The following PCDHGA2 variants were observed in gnomAD, a reference collection of about 807,000 sequenced individuals.
PCDHGA2 encodes the protein protocadherin gamma subfamily A, 2, also known as protocadherin gamma-A2.
In PCDHGA2, 40 loss-of-function variants were observed where a neutral mutation model predicts 59.2. That is an observed-to-expected ratio of 0.68 (90% CI 0.52 to 0.88). PCDHGA2 has a LOEUF of 0.88. PCDHGA2 is among the 40% of genes least tolerant of loss of function. PCDHGA2 has a pLI of 0.00. For missense variants in PCDHGA2, 1,226 were observed against 1,204.0 expected (o/e 1.02, Z -0.27); for synonymous variants, 560 against 526.0 (o/e 1.06, Z -0.89).
chr5:141,504,161 T>C (rs931754061), intron 2 of PCDHGA2, among the ~76,000 whole-genome samples: 1 of 152,196 alleles, frequency 6.6e-6, no homozygotes, highest in Non-Finnish European at 1.5e-5. Context: ...AATAATTTCA[T>C]CCTTGGAAAT....
chr5:141,423,753 G>A (rs758300730), intron 1 of PCDHGA2: 1 of 626,096 alleles, frequency 1.6e-6, no homozygotes, highest in Non-Finnish European at 2.0e-6. Context: ...AACTGTTTGG[G>A]GGGGGGGTGG....
chr5:141,481,646 C>T (rs1425216422), intron 1 of PCDHGA2, among the ~76,000 whole-genome samples: 1 of 151,950 alleles, frequency 6.6e-6, no homozygotes, highest in African/African-American at 2.4e-5. Flanking sequence ...GGTGAAACTT[C>T]ATCTCTACTA....
intron 1 of PCDHGA2, among the ~76,000 whole-genome samples, chr5:141,435,444 A>T (rs1471113812): frequency 1.3e-5 from 2 of 152,216 alleles, no homozygotes; most frequent in South Asian, 2.1e-4. Context: ...TTTCATTAAT[A>T]CGATATCTGT....
At chr5:141,374,172 A>G (rs1770228418) in intron 1 of PCDHGA2, 1 of 1,613,330 alleles carries the variant, frequency 6.2e-7, no homozygotes, top group Non-Finnish European at 8.5e-7. Context: ...GCGGCAGCGC[A>G]GATCCGCTAC....
chr5:141,409,928 G>T, intron 1 of PCDHGA2: 4 of 1,613,354 alleles, frequency 2.5e-6, no homozygotes, highest in Non-Finnish European at 2.5e-6. Flanking sequence ...CGCGTTCTTC[G>T]ATATGGTACC....
At chr5:141,398,267 T>G (rs757957397) in intron 1 of PCDHGA2, 2 of 1,435,108 alleles carry the variant, frequency 1.4e-6, no homozygotes, top group East Asian at 2.5e-5. Context: ...GGCTCCGTAG[T>G]GGGGAACCTC....
rs762532316 is a variant in PCDHGA2, at chr5:141,340,613, T to C, written c.1642T>C (p.Leu548=). The C allele has an allele frequency of 3.7e-6, 6 of 1,614,170 alleles. No individual in the cohort carries two copies. In the Admixed American group the frequency reaches 5.0e-5, roughly 13 times the overall value. The change falls in exon 1 of 4, where the codon TTA becomes CTA. Residue 548 remains leucine (L), a synonymous_variant. Transcript: ENST00000394576. ...CCCTCCACTCAGTAGCAATGTATCA[T>C]TAAGCCTGTTCGTGCTGGACCAGAA... ...GNPPLSSNVS[L]SLFVLDQNDN...
intron 1 of PCDHGA2, among the ~76,000 whole-genome samples, chr5:141,445,787 T>C (rs2098477657): frequency 1.3e-5 from 2 of 152,182 alleles, no homozygotes; most frequent in South Asian, 4.1e-4. Context: ...CTAGGGAGGC[T>C]AGAAACAGAA....
intron 1 of PCDHGA2, chr5:141,385,045 C>T (rs769354835): frequency 1.9e-6 from 3 of 1,614,178 alleles, no homozygotes. Flanking sequence ...GGCGCTCAGG[C>T]TGCGGCGCTG....
At position 141,425,978 on chromosome 5, in the gene PCDHGA2, A is replaced by T. The variant is rs182438141; in HGVS notation, c.2425-68829A>T. Among the ~76,000 whole-genome samples the T allele has an allele frequency of 3.9e-3, 592 of 152,340 alleles. 5 individuals carry two copies. Among genetic ancestry groups the T allele is most frequent in the African/African-American group, 0.014 (563 of 41,588 alleles). ...AGTCCAACACATCAGTCTAATTCTG[A>T]ATCCCATTGAATTAGCAAAGGCTTC... On this transcript the variant is annotated intron_variant, in intron 1 of 3. Coordinates refer to ENST00000394576, the MANE Select transcript of PCDHGA2 (RefSeq NM_018915.4).
chr5:141,368,284 GA>G lies in PCDHGA2; in HGVS notation c.2424+26890del, dbSNP rs536595269. ...CACATTAAAGAACCTAAGACCACTT[GA>G]TTTTTATTTTTTAAACACTGTTAAA... On this transcript the variant is annotated intron_variant, in intron 1 of 3. Transcript: ENST00000394576. Among the ~76,000 whole-genome samples the G allele has an allele frequency of 3.5e-4, 53 of 152,086 alleles. No homozygotes were observed. The East Asian group carries it at 0.01, about 29-fold the overall frequency.
In PCDHGA2 at chr5:141,512,739, T is replaced by C. The variant is rs1251649814; in HGVS notation, c.*1566T>C. The stretch of plus-strand genomic sequence containing the variant: ...GGCGGGTGGGCAGCGGGCGGCGGGC[T>C]CCGCGCAGCCGTCTGTCCTTGATCT... On this transcript the variant is annotated 3_prime_UTR_variant, in exon 4 of 4. Transcript: ENST00000394576. 1 of 152,822 alleles carries C rather than the reference T, an allele frequency of 6.5e-6. No individual in the cohort carries two copies. The highest frequency in any genetic ancestry group is 2.4e-5 in the African/African-American group (1 of 41,464). 9.5% of individuals were successfully genotyped at this position (152,822 alleles called of 1,614,324 possible).
Position 141,485,447 on chromosome 5 carries a change from C to G in PCDHGA2, c.2425-9360C>G, listed in dbSNP as rs1233800346. 6.2e-7 allele frequency: 1 copy of G among 1,614,144 alleles called. No individual in the cohort carries two copies. The highest frequency in any genetic ancestry group is 8.5e-7 in the Non-Finnish European group (1 of 1,180,036). On this transcript the variant is annotated intron_variant, in intron 1 of 3. Transcript: ENST00000394576. This position sits in a 1 kb window ranked among gnomAD's most constrained non-coding sequence, Gnocchi z 5.7. ...CCTGCTCATCAAGAACCCAATCGAC[C>G]GAGAGGCACTGTGTGGGCTCAGTGC... is the stretch of plus-strand genomic sequence containing the variant.
chr5:141,469,499 C>T lies in PCDHGA2; in HGVS notation c.2425-25308C>T, dbSNP rs1023274165. Among the ~76,000 whole-genome samples, 22 of 152,128 alleles carry T rather than the reference C, an allele frequency of 1.4e-4. 1 individual carries two copies. The highest frequency in any genetic ancestry group is 3.9e-4 in the African/African-American group (16 of 41,510). On this transcript the variant is annotated intron_variant, in intron 1 of 3. Coordinates refer to ENST00000394576, the MANE Select transcript of PCDHGA2 (RefSeq NM_018915.4). ...CTGAGGCAGGAGAATCGCTTGAACC[C>T]GGGAGGTGGAGGTTGCAGTGAGCCA...
Position 141,489,138 on chromosome 5 carries a change from T to C in PCDHGA2, c.2425-5669T>C. 1.4e-6 allele frequency: 1 copy of C among 738,808 alleles called. No homozygotes were observed. The highest frequency in any genetic ancestry group is 3.0e-5 in the Admixed American group (1 of 33,014). The allele number at this position is 738,808 out of a possible 1,614,324, so 45.8% of individuals were successfully genotyped here. On this transcript the variant is annotated intron_variant, in intron 1 of 3. Transcript: ENST00000394576. This position sits in a 1 kb window ranked among gnomAD's most constrained non-coding sequence, Gnocchi z 4.5. ...AACCTCCGAGCAGTTTTTAAGAGGC[T>C]GGAAGGAGACATAAGAGACTTCAGC...
intron 1 of PCDHGA2, chr5:141,418,939 C>G: frequency 6.2e-7 from 1 of 1,613,760 alleles, no homozygotes; most frequent in Non-Finnish European, 8.5e-7. Context: ...TGGAGGATTC[C>G]CCTCCAGGAG....
At chr5:141,355,929 T>G (rs1760047628) in intron 1 of PCDHGA2, 1 of 1,613,900 alleles carries the variant, frequency 6.2e-7, no homozygotes, top group East Asian at 2.2e-5. Context: ...CCGTGTTCAC[T>G]CAGCCCGAGT....
intron 1 of PCDHGA2, chr5:141,344,730 C>T (rs1757462446): frequency 3.7e-6 from 6 of 1,613,936 alleles, no homozygotes; most frequent in Non-Finnish European, 5.1e-6. Flanking sequence ...AGTGATAGTC[C>T]TGGATGCAAA....
chr5:141,481,229 A>G (rs989963485), intron 1 of PCDHGA2, among the ~76,000 whole-genome samples: 5 of 152,212 alleles, frequency 3.3e-5, no homozygotes, highest in African/African-American at 4.8e-5. Context: ...TCCCAGCCTT[A>G]AAGTATTACA....
Sources: allele counts gnomAD v4.1 joint callset (sites outside exome capture counted in the v4.1 genomes callset), GRCh38; gene constraint gnomAD v4.1.1; non-coding constraint Gnocchi (gnomAD v3.1); transcripts MANE v1.5; gene names NCBI Gene and HGNC (gene_info 2026-07-23, HGNC 2026-07-21).